LGSN: variants seen among roughly 807,000 people sequenced by gnomAD.
LGSN encodes lengsin, lens protein with glutamine synthetase domain.
In LGSN, 21 loss-of-function variants were observed where a neutral mutation model predicts 19.5. The observed-to-expected ratio is 1.07, with a 90% CI of 0.76 to 1.55. The LOEUF (loss-of-function observed/expected upper bound fraction) is 1.55, where lower values mean the gene tolerates loss of function less well. Ranked by LOEUF, LGSN falls within the 40% of genes most tolerant of loss-of-function variation. The pLI, the probability that LGSN is intolerant of heterozygous loss-of-function variation, is 0.00. For synonymous variants in LGSN, 257 were observed against 215.6 expected (o/e 1.19, Z -1.68); for missense variants, 673 against 608.5 (o/e 1.11, Z -1.12).
At chr6:63,285,780 C>A in intron 2 of LGSN, 27 bp from the exon 3 acceptor site, 1 of 1,603,384 alleles carries the variant, frequency 6.2e-7, no homozygotes. Flanking sequence ...TAGGTTCTAA[C>A]TCACGAGATC....
At chr6:63,377,208 CT>C in the LGSN span, among the ~76,000 whole-genome samples, 1 of 152,180 alleles carries the variant, frequency 6.6e-6, no homozygotes, top group Admixed American at 6.5e-5. Context: ...AACCAGCTGG[CT>C]TTTTTAATCT....
At chr6:63,535,913 C>T in the LGSN span, among the ~76,000 whole-genome samples, 3 of 152,194 alleles carry the variant, frequency 2.0e-5, no homozygotes, top group South Asian at 6.2e-4. Flanking sequence ...TCTGGGTTTA[C>T]AGGCGTGCGC....
At chr6:63,432,129 GAAAGAAAGAAAGAAA>G in the LGSN span, among the ~76,000 whole-genome samples, 1 of 100,754 alleles carries the variant, frequency 9.9e-6, no homozygotes, top group African/African-American at 4.0e-5. Context: ...AAGAAAGAAA[GAAAGAAAGAAAGAAA>G]GAAAGAAAGA....
At chr6:63,498,165 G>A in the LGSN span, among the ~76,000 whole-genome samples, 5 of 151,790 alleles carry the variant, frequency 3.3e-5, no homozygotes, top group South Asian at 2.1e-4. Context: ...TGATCCACCC[G>A]TCTTGGCCTC....
the LGSN span, among the ~76,000 whole-genome samples, chr6:63,352,144 T>C: frequency 6.6e-6 from 1 of 152,220 alleles, no homozygotes; most frequent in Admixed American, 6.5e-5. Flanking sequence ...AGGATGTTTC[T>C]AGGCAAACAG....
At chr6:63,344,364 A>G in the LGSN span, among the ~76,000 whole-genome samples, 2 of 152,240 alleles carry the variant, frequency 1.3e-5, no homozygotes, top group Non-Finnish European at 2.9e-5. Flanking sequence ...CAGTCAAACT[A>G]TCAAACAAAT....
At chr6:63,365,818 C>T in the LGSN span, among the ~76,000 whole-genome samples, 1 of 152,244 alleles carries the variant, frequency 6.6e-6, no homozygotes, top group Admixed American at 6.5e-5. Context: ...ATCATATAAA[C>T]AGAACCAAAG....
chr6:63,485,262 C>T, the LGSN span, among the ~76,000 whole-genome samples: 2 of 152,118 alleles, frequency 1.3e-5, no homozygotes, highest in Non-Finnish European at 2.9e-5. Context: ...ATTTAGCTCC[C>T]ACTTACAAGT....
At chr6:63,358,593 A>T in the LGSN span, among the ~76,000 whole-genome samples, 5 of 152,294 alleles carry the variant, frequency 3.3e-5, no homozygotes, top group Admixed American at 1.3e-4. Context: ...TCTTTGAAGC[A>T]ATTGTGAATG....
At chr6:63,430,624 G>A in the LGSN span, among the ~76,000 whole-genome samples, 2 of 152,178 alleles carry the variant, frequency 1.3e-5, no homozygotes, top group African/African-American at 4.8e-5. Flanking sequence ...CTGGCCTCAA[G>A]TGATTCGCTT....
the LGSN span, among the ~76,000 whole-genome samples, chr6:63,331,149 A>T: frequency 4.9e-4 from 75 of 152,284 alleles, no homozygotes; most frequent in African/African-American, 1.8e-3. Flanking sequence ...GAGGAGGATT[A>T]TCATTAATAG....
At chr6:63,494,800 T>G in the LGSN span, among the ~76,000 whole-genome samples, 1 of 152,198 alleles carries the variant, frequency 6.6e-6, no homozygotes, top group African/African-American at 2.4e-5. Flanking sequence ...TCACAGTCCG[T>G]AGATTCTAAG....
the LGSN span, among the ~76,000 whole-genome samples, chr6:63,476,894 T>C: frequency 6.6e-6 from 1 of 152,250 alleles, no homozygotes; most frequent in Admixed American, 6.5e-5. Flanking sequence ...TCATAAACAC[T>C]TTTTCATCAT....
chr6:63,515,818 G>A, the LGSN span, among the ~76,000 whole-genome samples: 1 of 152,142 alleles, frequency 6.6e-6, no homozygotes, highest in Non-Finnish European at 1.5e-5. Context: ...AAAGGAAAGG[G>A]AAAGGAAGGG....
chr6:63,566,860 C>T, the LGSN span, among the ~76,000 whole-genome samples: 1 of 152,224 alleles, frequency 6.6e-6, no homozygotes, highest in Non-Finnish European at 1.5e-5. Context: ...AACTCACCCA[C>T]TGCTTTATCA....
At chr6:63,411,550 T>C in the LGSN span, among the ~76,000 whole-genome samples, 1 of 152,302 alleles carries the variant, frequency 6.6e-6, no homozygotes, top group Non-Finnish European at 1.5e-5. Context: ...GTGCTTAATA[T>C]TGTGCTAAGG....
Position 63,280,347 on chromosome 6 carries a change from C to T in LGSN, c.1204G>A (p.Gly402Ser). The T allele has an allele frequency of 1.2e-6, 2 of 1,614,180 alleles. No homozygotes were observed. The highest frequency in any genetic ancestry group is 2.2e-5 in the South Asian group (2 of 91,084). The change falls in exon 4 of 4, where the codon GGC becomes AGC. Residue 402 changes from glycine (G) to serine (S), a missense_variant. By Grantham distance (56) the Gly-to-Ser change is moderately conservative. Coordinates refer to ENST00000370657, the MANE Select transcript of LGSN (RefSeq NM_016571.3). ...CCTAGTTTATTTTCTATCCGGGTGCCTTTCTCTCCATGACATTTGATATTA... is the reference window on the plus strand; with the variant it reads ...CCTAGTTTATTTTCTATCCGGGTGCTTTTCTCTCCATGACATTTGATATTA... ...IFNIKCHGEKGTRIENKLGSA... is the reference protein window; with the variant it reads ...IFNIKCHGEKSTRIENKLGSA...
At chr6:63,489,640 G>A in the LGSN span, among the ~76,000 whole-genome samples, 1 of 151,494 alleles carries the variant, frequency 6.6e-6, no homozygotes, top group Non-Finnish European at 1.5e-5. Context: ...AAAGTGCTGG[G>A]ATGGCTGGCG....
chr6:63,412,773 AAGG>A, the LGSN span, among the ~76,000 whole-genome samples: 8 of 19,530 alleles, frequency 4.1e-4, no homozygotes, highest in East Asian at 3.9e-3. Flanking sequence ...GAAAGAAAGG[AAGG>A]AAGGGAAGGA....
Sources: allele counts gnomAD v4.1 joint callset (sites outside exome capture counted in the v4.1 genomes callset), GRCh38; gene constraint gnomAD v4.1.1; transcripts MANE v1.5; gene names NCBI Gene and HGNC (gene_info 2026-07-23, HGNC 2026-07-21).